The following CTNND2 variants were observed in gnomAD, a reference collection of about 807,000 sequenced individuals.
CTNND2 encodes catenin delta 2, also known as catenin delta-2.
In CTNND2, 22 loss-of-function variants were observed where a neutral mutation model predicts 144.4. The observed-to-expected ratio is 0.15, with a 90% CI of 0.11 to 0.22. The LOEUF is 0.22. Among genes scored for constraint, CTNND2 ranks in the 10% least tolerant of loss-of-function variants. The pLI, the probability that CTNND2 is intolerant of heterozygous loss-of-function variation, is 1.00. For synonymous variants in CTNND2, 751 were observed against 695.6 expected, an observed-to-expected ratio of 1.08 and a Z score of -1.25; for missense variants, 1,353 against 1,618.8, an observed-to-expected ratio of 0.84 and a Z score of 2.82.
chr5:11,369,662 T>A (rs1757286160), intron 7 of CTNND2, among the ~76,000 whole-genome samples: 1 of 152,148 alleles, frequency 6.6e-6, no homozygotes, highest in Admixed American at 6.5e-5. Flanking sequence ...ACAGACAAGG[T>A]CCCTGGCTTT....
chr5:11,154,589 G>T (rs1315482480), intron 12 of CTNND2, among the ~76,000 whole-genome samples: 2 of 152,184 alleles, frequency 1.3e-5, no homozygotes, highest in Non-Finnish European at 2.9e-5. Flanking sequence ...TCCTCAGGCG[G>T]CTCCTTGGCT....
intron 3 of CTNND2, among the ~76,000 whole-genome samples, chr5:11,517,764 G>T (rs1057342950): frequency 6.6e-6 from 1 of 151,548 alleles, no homozygotes; most frequent in Admixed American, 6.6e-5. Flanking sequence ...CATTCTGCCT[G>T]TGTATCCCAG....
intron 5 of CTNND2, among the ~76,000 whole-genome samples, chr5:11,400,631 T>G (rs910740644): frequency 3.3e-5 from 5 of 152,184 alleles, no homozygotes; most frequent in African/African-American, 1.2e-4. Flanking sequence ...AGAGAAGAAA[T>G]TCCAAGGGAA....
chr5:11,820,033 C>G (rs1332734157), intron 1 of CTNND2, among the ~76,000 whole-genome samples: 4 of 152,148 alleles, frequency 2.6e-5, no homozygotes, highest in Non-Finnish European at 5.9e-5. Context: ...GACACAGGGT[C>G]ACATGTCTGA....
chr5:10,997,140 A>G (rs965472171), intron 18 of CTNND2, among the ~76,000 whole-genome samples: 1 of 152,130 alleles, frequency 6.6e-6, no homozygotes, highest in Non-Finnish European at 1.5e-5. Context: ...GTATCACGGC[A>G]GGAGAAAATG....
intron 2 of CTNND2, among the ~76,000 whole-genome samples, chr5:11,597,707 G>T (rs182825739): frequency 2.0e-4 from 31 of 152,036 alleles, no homozygotes; most frequent in African/African-American, 7.5e-4. Context: ...CCAAGTAGAT[G>T]GGACTACAGG....
chr5:11,110,205 G>T, intron 14 of CTNND2, among the ~76,000 whole-genome samples: 1 of 152,210 alleles, frequency 6.6e-6, no homozygotes, highest in East Asian at 1.9e-4. Context: ...GCTGCCTAGC[G>T]GCCTTCGTTT....
chr5:11,479,947 ACTCTGTAGGTTAT>A (rs1302439536), intron 3 of CTNND2, among the ~76,000 whole-genome samples: 1 of 151,754 alleles, frequency 6.6e-6, no homozygotes, highest in Non-Finnish European at 1.5e-5. Flanking sequence ...ATTTTCCCCC[ACTCTGTAGGTTAT>A]CTCTTTACTC....
chr5:11,690,781 T>TATGCTTTC lies in CTNND2; in HGVS notation c.174+41347_174+41354dup, dbSNP rs2126647904. 2.9e-5 allele frequency among the ~76,000 whole-genome samples: 4 copies of TATGCTTTC among 140,162 alleles called. No individual in the cohort carries two copies. In the South Asian group the frequency reaches 9.8e-4, roughly 34 times the overall value. The allele number at this position is 140,162 out of a possible 152,430, so 92.0% of individuals were successfully genotyped here. ...AAAAAAAAAAAAAAAAAAAGAAATC[T>TATGCTTTC]ATGCTTTCAGCAATATACTCTTTTA... On this transcript the variant is annotated intron_variant, in intron 2 of 21. Transcript: ENST00000304623.
rs185002777 is a variant in CTNND2 at position 11,588,285 on chromosome 5, A to G, written c.175-23229T>C. On this transcript the variant is annotated intron_variant, in intron 2 of 21. Transcript: ENST00000304623. ...CTCTCCATGAATAATTTCTTTCTGGATGGGGTTATTCCTTTAACTGCGCAT... is the reference window on the plus strand; with the variant it reads ...CTCTCCATGAATAATTTCTTTCTGGGTGGGGTTATTCCTTTAACTGCGCAT... Among the ~76,000 whole-genome samples the G allele has an allele frequency of 2.0e-5, 3 of 151,332 alleles. No homozygotes were observed. In the East Asian group the frequency reaches 5.8e-4, roughly 29 times the overall value.
intron 9 of CTNND2, among the ~76,000 whole-genome samples, chr5:11,273,360 T>TG (rs148453516): frequency 0.012 from 1,816 of 152,308 alleles, 50 homozygotes; most frequent in African/African-American, 0.04. Flanking sequence ...ACATCAGGTG[T>TG]GTAACTGGCT....
chr5:11,488,957 T>C (rs1769114872), intron 3 of CTNND2, among the ~76,000 whole-genome samples: 1 of 152,172 alleles, frequency 6.6e-6, no homozygotes, highest in Admixed American at 6.5e-5. Flanking sequence ...AAGCATTCAC[T>C]AGTTGAGGTT....
At chr5:11,365,393 T>G (rs577366595) in intron 7 of CTNND2, among the ~76,000 whole-genome samples, 15 of 152,336 alleles carry the variant, frequency 9.8e-5, no homozygotes, top group African/African-American at 3.6e-4. Flanking sequence ...GCAAAATGTT[T>G]GAACTTACAA....
chr5:11,758,351 T>TA (rs1314473857), intron 1 of CTNND2, among the ~76,000 whole-genome samples: 1 of 151,966 alleles, frequency 6.6e-6, no homozygotes, highest in South Asian at 2.1e-4. Flanking sequence ...TTTGTTTGAT[T>TA]AAAAAAAATT....
rs1375859219 is a variant in CTNND2 at position 11,461,159 on chromosome 5, T to C, written c.288-49090A>G. On this transcript the variant is annotated intron_variant, in intron 3 of 21. Coordinates refer to ENST00000304623, the MANE Select transcript of CTNND2 (RefSeq NM_001332.4). ...ATGTAACCCTCATGAAGGCAGGGAC[T>C]TTGTTTTTTTTTAAACTGGTGAATC... 3.3e-5 allele frequency among the ~76,000 whole-genome samples: 5 copies of C among 152,136 alleles called. No homozygotes were observed. In the South Asian group the frequency reaches 1.0e-3, roughly 31 times the overall value.
At chr5:11,876,935 G>A (rs1386457061) in intron 1 of CTNND2, among the ~76,000 whole-genome samples, 1 of 152,152 alleles carries the variant, frequency 6.6e-6, no homozygotes, top group Non-Finnish European at 1.5e-5. Flanking sequence ...TAAGACCTTA[G>A]AGTCCCTTGA....
intron 2 of CTNND2, among the ~76,000 whole-genome samples, chr5:11,641,714 GTATACATATACGTGTGTGTA>G (rs1561648772): frequency 1.8e-5 from 2 of 109,134 alleles, no homozygotes; most frequent in East Asian, 5.0e-4. Flanking sequence ...ATACGTGTGT[GTATACATATACGTGTGTGTA>G]TATACATATA....
At chr5:11,601,665 G>A (rs1363632611) in intron 2 of CTNND2, among the ~76,000 whole-genome samples, 3 of 151,962 alleles carry the variant, frequency 2.0e-5, no homozygotes, top group African/African-American at 7.2e-5. Context: ...CTGCCTTATA[G>A]TTTATAAAAT....
chr5:11,303,692 T>C (rs746850973), intron 9 of CTNND2, among the ~76,000 whole-genome samples: 2 of 152,132 alleles, frequency 1.3e-5, no homozygotes, highest in African/African-American at 2.4e-5. Context: ...GGAGGAAGTA[T>C]GTGGTAATGG....
Sources: gnomAD v4.1 joint callset for allele counts (sites outside exome capture counted in the v4.1 genomes callset) on GRCh38, gnomAD v4.1.1 for gene constraint, MANE v1.5 for transcripts, NCBI Gene and HGNC (gene_info 2026-07-23, HGNC 2026-07-21) for gene names.